SH3PXD2B: variants seen among roughly 807,000 people sequenced by gnomAD.
SH3PXD2B encodes the protein SH3 and PX domain-containing protein 2B.
SH3PXD2B carries 37 observed loss-of-function variants against 73.1 expected under a neutral mutation model. That is an observed-to-expected ratio of 0.51 (90% CI 0.39 to 0.67). SH3PXD2B has a LOEUF of 0.67. SH3PXD2B is among the 30% of genes least tolerant of loss of function. The pLI is 0.00. For synonymous variants in SH3PXD2B, 457 were observed against 480.5 expected, an observed-to-expected ratio of 0.95 and a Z score of 0.64; for missense variants, 1,053 against 1,197.8, an observed-to-expected ratio of 0.88 and a Z score of 1.78.
At chr5:172,348,428 G>A (rs181749448) in intron 10 of SH3PXD2B, among the ~76,000 whole-genome samples, 3 of 152,028 alleles carry the variant, frequency 2.0e-5, no homozygotes, top group Admixed American at 6.6e-5. Flanking sequence ...GTTCTGGACC[G>A]AGGGATGAGG....
Position 172,422,440 on chromosome 5 carries a change from G to A in SH3PXD2B, c.132C>T (p.Arg44=). The change falls in exon 2 of 13, where the codon CGC becomes CGT. Residue 44 remains arginine (R), a synonymous_variant. Coordinates refer to ENST00000311601, the MANE Select transcript of SH3PXD2B (RefSeq NM_001017995.3). The part of the protein sequence containing the change: ...SSGSTEAIYR[R]YSKFFDLQMQ... ...CCTGGAGGTCAAAAAACTTGCTGTA[G>A]CGCCGGTAAATGGCCTCGGTGGAGC... 4 of 1,612,268 alleles carry A rather than the reference G, an allele frequency of 2.5e-6. No individual in the cohort carries two copies. Among genetic ancestry groups the A allele is most frequent in the Non-Finnish European group, 3.4e-6 (4 of 1,179,550 alleles).
chr5:172,439,834 T>C (rs1323934275), intron 1 of SH3PXD2B, among the ~76,000 whole-genome samples: 1 of 110,988 alleles, frequency 9.0e-6, no homozygotes, highest in Non-Finnish European at 1.9e-5. Flanking sequence ...TCTCCACTCT[T>C]GCCGACGACT....
intron 2 of SH3PXD2B, among the ~76,000 whole-genome samples, chr5:172,407,019 A>C (rs1415682919): frequency 6.6e-6 from 1 of 152,190 alleles, no homozygotes; most frequent in African/African-American, 2.4e-5. Context: ...TATCTCTGAA[A>C]GCTTCAGGGA....
intron 6 of SH3PXD2B, among the ~76,000 whole-genome samples, chr5:172,368,496 T>A (rs867016286): frequency 1.5e-3 from 9 of 5,834 alleles, no homozygotes; most frequent in Admixed American, 3.5e-3. Context: ...TATATATATA[T>A]TATATATATA....
At chr5:172,393,948 G>T (rs1423449893) in intron 4 of SH3PXD2B, among the ~76,000 whole-genome samples, 4 of 122,010 alleles carry the variant, frequency 3.3e-5, no homozygotes, top group Non-Finnish European at 4.9e-5. Flanking sequence ...GGCTTAAGAG[G>T]ATTTTTTTTT....
chr5:172,412,849 T>C (rs7713344), intron 2 of SH3PXD2B, among the ~76,000 whole-genome samples: 78,352 of 151,944 alleles, frequency 0.52, 22,101 homozygotes, highest in African/African-American at 0.74. Flanking sequence ...GCGCTCAGGG[T>C]GAGGAGGACT....
chr5:172,331,762 G>T (rs954805564), downstream of SH3PXD2B, among the ~76,000 whole-genome samples: 3 of 152,150 alleles, frequency 2.0e-5, no homozygotes, highest in African/African-American at 4.8e-5. Context: ...GACCAGCCTG[G>T]CCAACATGGT....
chr5:172,330,238 G>A (rs1394528648), downstream of SH3PXD2B, among the ~76,000 whole-genome samples: 1 of 152,096 alleles, frequency 6.6e-6, no homozygotes, highest in South Asian at 2.1e-4. Context: ...CAATTTGTAT[G>A]GGAAAATCCT....
At chr5:172,422,781 G>A (rs1049661216) in intron 1 of SH3PXD2B, among the ~76,000 whole-genome samples, 10 of 152,188 alleles carry the variant, frequency 6.6e-5, no homozygotes, top group African/African-American at 2.4e-4. Context: ...GGCATTGCCA[G>A]GATTCCTCAC....
chr5:172,434,110 G>T (rs1759314666), intron 1 of SH3PXD2B, among the ~76,000 whole-genome samples: 1 of 152,150 alleles, frequency 6.6e-6, no homozygotes, highest in African/African-American at 2.4e-5. Flanking sequence ...AAAATGGCTA[G>T]AAGAGAGGAC....
At chr5:172,330,716 G>A (rs1243901140), downstream of SH3PXD2B, among the ~76,000 whole-genome samples, 1 of 152,180 alleles carries the variant, frequency 6.6e-6, no homozygotes, top group Non-Finnish European at 1.5e-5. Context: ...GGGAACTTAT[G>A]GTAAGGGGCT....
intron 2 of SH3PXD2B, among the ~76,000 whole-genome samples, chr5:172,415,672 A>T (rs1203209957): frequency 6.6e-6 from 1 of 152,200 alleles, no homozygotes; most frequent in African/African-American, 2.4e-5. Context: ...GGCTCAACCC[A>T]GCCACATTTC....
intron 1 of SH3PXD2B, among the ~76,000 whole-genome samples, chr5:172,452,827 T>C (rs1466858590): frequency 6.6e-6 from 1 of 151,852 alleles, no homozygotes; most frequent in Non-Finnish European, 1.5e-5. Context: ...TTTGGCAGCA[T>C]TTGAAAACAG....
At chr5:172,348,670 T>TC (rs1420628261) in intron 10 of SH3PXD2B, among the ~76,000 whole-genome samples, 136 of 49,978 alleles carry the variant, frequency 2.7e-3, no homozygotes, top group African/African-American at 7.1e-3. Flanking sequence ...TATCTATCTA[T>TC]CTATCTATCT....
intron 1 of SH3PXD2B, among the ~76,000 whole-genome samples, chr5:172,426,328 A>T (rs1261299472): frequency 6.6e-6 from 1 of 152,226 alleles, no homozygotes; most frequent in East Asian, 1.9e-4. Flanking sequence ...TGGGTCACAG[A>T]GCCAGCTCTG....
Position 172,382,053 on chromosome 5 carries a change from G to T in SH3PXD2B, c.384C>A (p.Asp128Glu). The change falls in exon 5 of 13, where the codon GAC becomes GAA. Residue 128 changes from aspartate (D) to glutamate (E), a missense_variant. This residue lies in a region of SH3PXD2B where 466 missense variants were observed against 607.1 expected (regional missense o/e 0.77). Transcript: ENST00000311601. ...AAACTTACTCTTTGGGGGGATTCAGGTCCTCAGGTCTTGTCTCAAAGAACT... is the reference window on the plus strand; with the variant it reads ...AAACTTACTCTTTGGGGGGATTCAGTTCCTCAGGTCTTGTCTCAAAGAACT... ...VLQFFETRPE[D>E]LNPPKEEHIG... 1 of 1,611,882 alleles carries T rather than the reference G, an allele frequency of 6.2e-7. No homozygotes were observed. The highest frequency in any genetic ancestry group is 8.5e-7 in the Non-Finnish European group (1 of 1,179,290).
rs11953725 is a variant in SH3PXD2B at position 172,336,337 on chromosome 5, C to T, written c.*2032G>A. On this transcript the variant is annotated 3_prime_UTR_variant, in exon 13 of 13. Coordinates refer to ENST00000311601, the MANE Select transcript of SH3PXD2B (RefSeq NM_001017995.3). ...AAGGGAGGGGACCCTCAAGCGGTGG[C>T]GGCCCTTCCCCACCTCCCTTCTTCC... 0.011 allele frequency: 11,252 copies of T among 985,630 alleles called. 396 individuals are homozygous for T. The highest frequency in any genetic ancestry group is 0.11 in the African/African-American group (6,333 of 57,362). The allele number at this position is 985,630 out of a possible 1,614,324, so 61.1% of individuals were successfully genotyped here.
At chr5:172,418,332 A>G (rs6890949) in intron 2 of SH3PXD2B, among the ~76,000 whole-genome samples, 8,842 of 152,258 alleles carry the variant, frequency 0.058, 578 homozygotes, top group African/African-American at 0.16. Context: ...CATGTCACCA[A>G]TGAGGGCTCT....
In SH3PXD2B at chr5:172,438,563, C is replaced by T. The variant is rs549542445; in HGVS notation, c.75+15715G>A. 4.6e-5 allele frequency among the ~76,000 whole-genome samples: 7 copies of T among 152,334 alleles called. No homozygotes were observed. In the South Asian group the frequency reaches 1.2e-3, roughly 27 times the overall value. Reference sequence around the variant, plus strand: ...AATGCTCGTGAAATAGCTGAATGAACAGCTCTATTGCCAAGGGTACCAGAA... The same window carrying T: ...AATGCTCGTGAAATAGCTGAATGAATAGCTCTATTGCCAAGGGTACCAGAA... On this transcript the variant is annotated intron_variant, in intron 1 of 12. Transcript: ENST00000311601.
Sources: allele counts gnomAD v4.1 joint callset (sites outside exome capture counted in the v4.1 genomes callset), GRCh38; gene constraint gnomAD v4.1.1; regional missense constraint gnomAD v4.1.1; transcripts MANE v1.5; gene names NCBI Gene and HGNC (gene_info 2026-07-23, HGNC 2026-07-21).